The following ZFHX3 variants were observed in gnomAD, a reference collection of about 807,000 sequenced individuals.
ZFHX3 encodes zinc finger homeobox protein 3.
Under a neutral mutation model 279.1 loss-of-function variants are expected in ZFHX3, and 42 were observed. That is an observed-to-expected ratio of 0.15 (90% CI 0.12 to 0.19). The LOEUF (loss-of-function observed/expected upper bound fraction) is 0.19, where lower values mean the gene tolerates loss of function less well. Among genes scored for constraint, ZFHX3 ranks in the 10% least tolerant of loss-of-function variants. ZFHX3 has a pLI of 1.00. For missense variants in ZFHX3, 4,981 were observed against 4,754.0 expected (o/e 1.05, Z -1.40); for synonymous variants, 2,293 against 1,957.8 (o/e 1.17, Z -4.52).
At chr16:72,952,135 G>C (rs1000208784) in intron 2 of ZFHX3, among the ~76,000 whole-genome samples, 1 of 152,196 alleles carries the variant, frequency 6.6e-6, no homozygotes, top group Non-Finnish European at 1.5e-5. Context: ...CCAGTACTCA[G>C]GGACTGAGAT....
chr16:72,811,730 C>G lies in ZFHX3; in HGVS notation c.3711G>C (p.Arg1237=), dbSNP rs751315735. ...GCTGCGTCATGGCATGCACCCGGAGCCGGTTGACATCGGCATTACTGTACT... is the reference window on the plus strand; with the variant it reads ...GCTGCGTCATGGCATGCACCCGGAGGCGGTTGACATCGGCATTACTGTACT... ...YCKYSNADVN[R]LRVHAMTQHS... The change falls in exon 7 of 10, where the codon CGG becomes CGC. Residue 1237 remains arginine (R), a synonymous_variant. Transcript: ENST00000268489. The G allele has an allele frequency of 1.9e-6, 3 of 1,614,056 alleles. No individual in the cohort carries two copies. Among genetic ancestry groups the G allele is most frequent in the Admixed American group, 3.3e-5 (2 of 60,018 alleles).
At chr16:73,873,851 G>A (rs1396304938) in intron 1 of ZFHX3, among the ~76,000 whole-genome samples, 1 of 152,062 alleles carries the variant, frequency 6.6e-6, no homozygotes, top group Non-Finnish European at 1.5e-5. Flanking sequence ...CCCACCTGAT[G>A]TATTTCCTCA....
At chr16:73,768,054 C>G (rs184104682) in intron 1 of ZFHX3, among the ~76,000 whole-genome samples, 3 of 152,246 alleles carry the variant, frequency 2.0e-5, no homozygotes, top group African/African-American at 7.2e-5. Context: ...GAGAAGGGTA[C>G]CAGAAAGGAT....
intron 3 of ZFHX3, among the ~76,000 whole-genome samples, chr16:73,392,777 T>C (rs898766696): frequency 2.0e-5 from 3 of 152,204 alleles, no homozygotes; most frequent in Non-Finnish European, 4.4e-5. Flanking sequence ...CTCAACCTTC[T>C]AACAGATGAA....
At chr16:72,925,996 G>A (rs1959430195) in intron 3 of ZFHX3, among the ~76,000 whole-genome samples, 1 of 152,098 alleles carries the variant, frequency 6.6e-6, no homozygotes. Context: ...CAATAGAGAG[G>A]AAGCAGGTAA....
intron 1 of ZFHX3, among the ~76,000 whole-genome samples, chr16:73,682,896 A>AAGAGAAAGAAAGAAAGAG (rs1161304248): frequency 1.3e-4 from 3 of 22,342 alleles, no homozygotes; most frequent in African/African-American, 4.2e-4. Context: ...GAAAGAAAGA[A>AAGAGAAAGAAAGAAAGAG]AGAAAGAAAG....
chr16:73,017,840 C>CCAT (rs749316252), intron 1 of ZFHX3, among the ~76,000 whole-genome samples: 2 of 152,186 alleles, frequency 1.3e-5, no homozygotes, highest in Non-Finnish European at 2.9e-5. Context: ...TGCATAGAGC[C>CCAT]CATGCCTACT....
At chr16:73,640,293 T>C (rs935887628) in intron 2 of ZFHX3, among the ~76,000 whole-genome samples, 13 of 152,156 alleles carry the variant, frequency 8.5e-5, no homozygotes, top group African/African-American at 3.1e-4. Flanking sequence ...AAAACAGTCA[T>C]TCCCTGCCTC....
intron 3 of ZFHX3, among the ~76,000 whole-genome samples, chr16:72,947,959 C>T (rs1960782318): frequency 6.6e-6 from 1 of 152,228 alleles, no homozygotes; most frequent in Admixed American, 6.5e-5. Flanking sequence ...GACTCTCAAA[C>T]CACCTCCAAT....
At chr16:73,627,516 T>C (rs1001644692) in intron 2 of ZFHX3, among the ~76,000 whole-genome samples, 13 of 152,364 alleles carry the variant, frequency 8.5e-5, no homozygotes, top group Non-Finnish European at 1.6e-4. Flanking sequence ...TTCTTATGAT[T>C]TGAACTCTTT....
intron 1 of ZFHX3, among the ~76,000 whole-genome samples, chr16:73,764,803 C>T (rs761228739): frequency 8.5e-5 from 13 of 152,138 alleles, no homozygotes; most frequent in Non-Finnish European, 1.6e-4. Context: ...AGTTTATGAG[C>T]CTAAGCCACC....
chr16:72,793,650 T>C lies in ZFHX3; in HGVS notation c.9032A>G (p.His3011Arg). ...ATAACTCGTTTGGTTTATACCAAAATGCTTGGCCATGCTTAACTTGGACTT... is the reference window on the plus strand; with the variant it reads ...ATAACTCGTTTGGTTTATACCAAAACGCTTGGCCATGCTTAACTTGGACTT... ...EKKSKLSMAK[H>R]FGINQTSYEG... is the part of the protein sequence containing the mutation. The change falls in exon 9 of 10, where the codon CAT becomes CGT. Residue 3011 changes from histidine to arginine, a missense_variant. His to Arg is a conservative substitution (Grantham distance 29). Transcript: ENST00000268489. This position sits in a 1 kb window ranked among gnomAD's most constrained non-coding sequence, Gnocchi z 4.3. 6.2e-7 allele frequency: 1 copy of C among 1,614,208 alleles called. No individual in the cohort carries two copies. Among genetic ancestry groups the C allele is most frequent in the African/African-American group, 1.3e-5 (1 of 75,052 alleles).
intron 3 of ZFHX3, among the ~76,000 whole-genome samples, chr16:73,437,468 T>A (rs963949083): frequency 6.6e-6 from 1 of 152,076 alleles, no homozygotes; most frequent in Non-Finnish European, 1.5e-5. Context: ...GCGTATCCCT[T>A]CATGCCTCAA....
chr16:73,747,856 A>C (rs945391947), intron 1 of ZFHX3, among the ~76,000 whole-genome samples: 2 of 152,168 alleles, frequency 1.3e-5, no homozygotes, highest in East Asian at 3.9e-4. Context: ...CAATACCACG[A>C]CCAGTTGCAT....
At chr16:73,541,966 T>C (rs1437220049) in intron 2 of ZFHX3, among the ~76,000 whole-genome samples, 1 of 151,800 alleles carries the variant, frequency 6.6e-6, no homozygotes, top group East Asian at 1.9e-4. Flanking sequence ...CGTGCCTGGC[T>C]AATTTTTGTA....
At chr16:73,770,684 T>C (rs1158255984) in intron 1 of ZFHX3, among the ~76,000 whole-genome samples, 3 of 152,184 alleles carry the variant, frequency 2.0e-5, no homozygotes, top group Non-Finnish European at 2.9e-5. Context: ...CAAATAAGTG[T>C]AAATAGAAGC....
intron 3 of ZFHX3, among the ~76,000 whole-genome samples, chr16:73,326,413 G>C (rs919808679): frequency 9.2e-5 from 14 of 152,152 alleles, no homozygotes; most frequent in African/African-American, 3.4e-4. Flanking sequence ...GTGCTCATGA[G>C]TTTTAAAACT....
intron 2 of ZFHX3, among the ~76,000 whole-genome samples, chr16:73,639,404 T>C (rs1298527965): frequency 6.6e-6 from 1 of 152,188 alleles, no homozygotes; most frequent in Non-Finnish European, 1.5e-5. Flanking sequence ...AAACCAAGAA[T>C]CTCTAAACCA....
intron 5 of ZFHX3, among the ~76,000 whole-genome samples, chr16:73,166,332 G>C (rs377572661): frequency 1.3e-5 from 2 of 152,312 alleles, no homozygotes; most frequent in Middle Eastern, 6.8e-3. Flanking sequence ...AAGAGATTCC[G>C]AGTCGGGTTT....
Sources: allele counts gnomAD v4.1 joint callset (sites outside exome capture counted in the v4.1 genomes callset), GRCh38; gene constraint gnomAD v4.1.1; non-coding constraint Gnocchi (gnomAD v3.1); transcripts MANE v1.5; gene names NCBI Gene and HGNC (gene_info 2026-07-23, HGNC 2026-07-21).